Variants in NKAIN2 observed in about 807,000 individuals in gnomAD.
NKAIN2 encodes sodium/potassium transporting ATPase interacting 2.
NKAIN2 carries 14 observed loss-of-function variants against 32.6 expected under a neutral mutation model. The observed-to-expected ratio is 0.43, with a 90% CI of 0.28 to 0.67. The LOEUF (loss-of-function observed/expected upper bound fraction) is 0.67. NKAIN2 is among the 30% of genes least tolerant of loss of function. NKAIN2 has a pLI of 0.17. For missense variants in NKAIN2, 198 were observed against 258.3 expected (o/e 0.77, Z 1.60); for synonymous variants, 80 against 87.2 (o/e 0.92, Z 0.46).
intron 1 of NKAIN2, among the ~76,000 whole-genome samples, chr6:124,034,962 G>A (rs1374818310): frequency 6.6e-6 from 1 of 151,998 alleles, no homozygotes; most frequent in Non-Finnish European, 1.5e-5. Context: ...TTAGAAGGAG[G>A]CTTGGGAGAG....
intron 1 of NKAIN2, among the ~76,000 whole-genome samples, chr6:123,882,566 A>G (rs1205731977): frequency 6.6e-6 from 1 of 152,212 alleles, no homozygotes; most frequent in Admixed American, 6.5e-5. Flanking sequence ...TTGAATTTAT[A>G]TTTTATTTCA....
At chr6:124,536,770 TTC>T (rs1428296493) in intron 3 of NKAIN2, among the ~76,000 whole-genome samples, 1 of 152,222 alleles carries the variant, frequency 6.6e-6, no homozygotes, top group Non-Finnish European at 1.5e-5. Flanking sequence ...TTTCAGTTTT[TTC>T]TCTCTTTGAC....
chr6:124,813,501 C>T (rs1327851479), intron 5 of NKAIN2, among the ~76,000 whole-genome samples: 1 of 152,110 alleles, frequency 6.6e-6, no homozygotes, highest in Non-Finnish European at 1.5e-5. Flanking sequence ...TGATTTGATG[C>T]TTTTGATCAC....
chr6:123,846,359 A>G (rs1775091074), intron 1 of NKAIN2, among the ~76,000 whole-genome samples: 1 of 152,144 alleles, frequency 6.6e-6, no homozygotes, highest in South Asian at 2.1e-4. Context: ...TAAAAAGTGA[A>G]CCCTGAACTT....
At position 124,360,919 on chromosome 6, in the gene NKAIN2, G is replaced by T. The variant is rs1799260758; in HGVS notation, c.273+5572G>T. 2.6e-5 allele frequency among the ~76,000 whole-genome samples: 4 copies of T among 152,272 alleles called. No individual in the cohort carries two copies. The South Asian group carries it at 8.3e-4, about 32-fold the overall frequency. ...GAAATTGCCTTTGGGCATCAAATGT[G>T]ACATGGGTTATTGAATTAAGAGTTT... On this transcript the variant is annotated intron_variant, in intron 3 of 6. Coordinates refer to ENST00000368417, the MANE Select transcript of NKAIN2 (RefSeq NM_001040214.3).
chr6:124,151,700 TA>T (rs1171500170), intron 1 of NKAIN2, among the ~76,000 whole-genome samples: 5 of 152,018 alleles, frequency 3.3e-5, no homozygotes, highest in Non-Finnish European at 7.4e-5. Context: ...CTAACTAGTA[TA>T]TCACAGTATC....
At chr6:123,879,864 G>A (rs1001689728) in intron 1 of NKAIN2, among the ~76,000 whole-genome samples, 7 of 152,174 alleles carry the variant, frequency 4.6e-5, no homozygotes, top group African/African-American at 1.7e-4. Context: ...ATTGGCAGAT[G>A]CCCTTATGAC....
intron 3 of NKAIN2, among the ~76,000 whole-genome samples, chr6:124,618,767 T>C (rs1409637406): frequency 6.6e-6 from 1 of 152,134 alleles, no homozygotes; most frequent in African/African-American, 2.4e-5. Flanking sequence ...ATGAGTGAGA[T>C]GAAAAATAGT....
chr6:124,645,141 GTAGA>G (rs888943475), intron 3 of NKAIN2, among the ~76,000 whole-genome samples: 3 of 152,170 alleles, frequency 2.0e-5, no homozygotes, highest in Non-Finnish European at 4.4e-5. Context: ...AAGATTGAAA[GTAGA>G]TAGAGGATTG....
rs1562287401 is a variant in NKAIN2 at position 123,976,314 on chromosome 6, TATATATATATGTTCC to T, written c.54+172061_54+172075del. ...ATATGTTTCCATATATATGTTTCCA[TATATATATATGTTCC>T]CATATATATATATGTTCCCATATAT... On this transcript the variant is annotated intron_variant, in intron 1 of 6. Coordinates refer to ENST00000368417, the MANE Select transcript of NKAIN2 (RefSeq NM_001040214.3). Among the ~76,000 whole-genome samples, 329 of 46,134 alleles carry T rather than the reference TATATATATATGTTCC, an allele frequency of 7.1e-3. 70 individuals carry two copies. The highest frequency in any genetic ancestry group is 0.011 in the Non-Finnish European group (265 of 23,052). The allele number at this position is 46,134 out of a possible 152,430, so 30.3% of individuals were successfully genotyped here. A position where few individuals can be genotyped will look rare whatever the true frequency, so the allele number is the denominator to read the frequency against.
At chr6:123,916,859 TGTC>T in intron 1 of NKAIN2, among the ~76,000 whole-genome samples, 1 of 152,086 alleles carries the variant, frequency 6.6e-6, no homozygotes, top group African/African-American at 2.4e-5. Context: ...CCTACCTATC[TGTC>T]ATCTACCTAC....
intron 3 of NKAIN2, among the ~76,000 whole-genome samples, chr6:124,439,865 T>C (rs919002502): frequency 2.6e-5 from 4 of 152,002 alleles, no homozygotes; most frequent in African/African-American, 9.7e-5. Flanking sequence ...TCTATCTCCT[T>C]CCTCTCTCGA....
rs565278954 is a variant in NKAIN2, at chr6:124,557,454, G to C, written c.274-100732G>C. Among the ~76,000 whole-genome samples the C allele has an allele frequency of 3.9e-5, 6 of 152,152 alleles. No homozygotes were observed. In the South Asian group the frequency reaches 1.2e-3, roughly 32 times the overall value. On this transcript the variant is annotated intron_variant, in intron 3 of 6. Transcript: ENST00000368417. ...TTTTCCAATTGTGTTTGTGGAAAATGCTCCCTTTTGATTCAAGTAACTTTG... is the reference window on the plus strand; with the variant it reads ...TTTTCCAATTGTGTTTGTGGAAAATCCTCCCTTTTGATTCAAGTAACTTTG...
intron 4 of NKAIN2, among the ~76,000 whole-genome samples, chr6:124,684,765 TTAC>T (rs1410309715): frequency 6.6e-6 from 1 of 152,162 alleles, no homozygotes; most frequent in Non-Finnish European, 1.5e-5. Context: ...CATTGAGTGC[TTAC>T]TACATCTGGA....
intron 4 of NKAIN2, among the ~76,000 whole-genome samples, chr6:124,738,551 A>G (rs576322951): frequency 2.8e-5 from 4 of 143,636 alleles, no homozygotes; most frequent in African/African-American, 1.0e-4. Context: ...ACTGCTCTTA[A>G]TTATGTGTCA....
intron 1 of NKAIN2, among the ~76,000 whole-genome samples, chr6:123,871,482 A>G (rs1772874020): frequency 6.6e-6 from 1 of 152,116 alleles, no homozygotes; most frequent in African/African-American, 2.4e-5. Flanking sequence ...GTCACCTCCT[A>G]GAGACCCTCT....
chr6:124,183,261 G>T (rs1184422366), intron 1 of NKAIN2, among the ~76,000 whole-genome samples: 2 of 151,990 alleles, frequency 1.3e-5, no homozygotes, highest in Admixed American at 6.5e-5. Context: ...CATAAATTTA[G>T]AAGTAAATAG....
intron 1 of NKAIN2, among the ~76,000 whole-genome samples, chr6:124,209,961 C>T (rs540139319): frequency 1.9e-3 from 287 of 151,744 alleles, no homozygotes; most frequent in Middle Eastern, 0.01. Flanking sequence ...TTAATGTGAT[C>T]CCATTTGTTC....
intron 1 of NKAIN2, among the ~76,000 whole-genome samples, chr6:124,171,067 G>A (rs768528063): frequency 1.3e-5 from 2 of 151,976 alleles, no homozygotes; most frequent in Non-Finnish European, 2.9e-5. Flanking sequence ...TGAGATGTGT[G>A]GGAAAGAGGT....
Sources: allele counts gnomAD v4.1 joint callset (sites outside exome capture counted in the v4.1 genomes callset), GRCh38; gene constraint gnomAD v4.1.1; transcripts MANE v1.5; gene names NCBI Gene and HGNC (gene_info 2026-07-23, HGNC 2026-07-21).